The following RNF38 variants were observed in gnomAD, a reference collection of about 807,000 sequenced individuals.
RNF38 encodes ring finger protein 38.
Under a neutral mutation model 67.2 loss-of-function variants are expected in RNF38, and 15 were observed. The observed-to-expected ratio is 0.22, with a 90% CI of 0.15 to 0.34. RNF38 has a LOEUF of 0.34. Ranked by LOEUF, RNF38 falls within the 10% of genes least tolerant of loss-of-function variation. The pLI is 1.00. For synonymous variants in RNF38, 220 were observed against 218.8 expected, an observed-to-expected ratio of 1.01 and a Z score of -0.05; for missense variants, 524 against 639.9, an observed-to-expected ratio of 0.82 and a Z score of 1.95.
rs1202941556 is a variant in RNF38 at position 36,384,577 on chromosome 9, T to C, written c.162+5890A>G. Among the ~76,000 whole-genome samples, 4 of 152,272 alleles carry C rather than the reference T, an allele frequency of 2.6e-5. No homozygotes were observed. In the East Asian group the frequency reaches 7.7e-4, roughly 29 times the overall value. The stretch of plus-strand genomic sequence containing the variant: ...GGATGCAGGATGAAGGGCTGAAAAA[T>C]ATCCACCAGATGTATTAGGTGAGTG... On this transcript the variant is annotated intron_variant, in intron 2 of 11. Coordinates refer to ENST00000259605, the MANE Select transcript of RNF38 (RefSeq NM_022781.5).
intron 6 of RNF38, among the ~76,000 whole-genome samples, chr9:36,355,860 T>A (rs1407474768): frequency 3.3e-5 from 5 of 152,166 alleles, no homozygotes; most frequent in Non-Finnish European, 7.4e-5. Flanking sequence ...TGTTTGTTTA[T>A]TTTGGAGACA....
At chr9:36,429,880 T>C (rs1318102795) in intron 1 of RNF38, among the ~76,000 whole-genome samples, 3 of 152,224 alleles carry the variant, frequency 2.0e-5, no homozygotes, top group East Asian at 3.8e-4. Flanking sequence ...TTGTTGTTTT[T>C]ATTGTTTATT....
At chr9:36,487,429 G>C in exon 1 of RNF38, 1 of 980,458 alleles carries the variant, frequency 1.0e-6, no homozygotes, top group Non-Finnish European at 1.2e-6. Context: ...GCGGTGGGGG[G>C]CGCGGGCGGC....
At chr9:36,468,434 G>A (rs1839917133) in intron 1 of RNF38, among the ~76,000 whole-genome samples, 1 of 152,188 alleles carries the variant, frequency 6.6e-6, no homozygotes. Flanking sequence ...CTGGGGCAAA[G>A]AGCCAGGTAG....
intron 9 of RNF38, among the ~76,000 whole-genome samples, chr9:36,345,521 G>C (rs182449764): frequency 2.2e-4 from 34 of 152,236 alleles, no homozygotes; most frequent in African/African-American, 7.5e-4. Context: ...CCCCCTAGCT[G>C]TAACAACCAA....
rs772791422 is a variant in RNF38, at chr9:36,337,012, A to G, written c.*2740T>C. On this transcript the variant is annotated 3_prime_UTR_variant, in exon 12 of 12. Transcript: ENST00000259605. ...AAAAAAACACCAAAGATGACAATTC[A>G]TGCCAAAAAACAAACAAGAACCCAC... 3 of 152,190 alleles carry G rather than the reference A, an allele frequency of 2.0e-5. No individual in the cohort carries two copies. The highest frequency in any genetic ancestry group is 2.9e-5 in the Non-Finnish European group (2 of 68,036). The allele number at this position is 152,190 out of a possible 1,614,324, so 9.4% of individuals were successfully genotyped here.
Position 36,363,299 on chromosome 9 carries a change from G to T in RNF38, c.571-5357C>A, listed in dbSNP as rs754557738. On this transcript the variant is annotated intron_variant, in intron 4 of 11. Transcript: ENST00000259605. ...GAAAGCCACTATAAACAATCCTGTA[G>T]AAATTTTTTTGTGTGGACATATGCA... Among the ~76,000 whole-genome samples, 11 of 100,202 alleles carry T rather than the reference G, an allele frequency of 1.1e-4. 5 individuals are homozygous for T. Among genetic ancestry groups the T allele is most frequent in the Non-Finnish European group, 2.3e-4 (9 of 38,650 alleles). The allele number at this position is 100,202 out of a possible 152,430, so 65.7% of individuals were successfully genotyped here. A position where few individuals can be genotyped will look rare whatever the true frequency, so the allele number is the denominator to read the frequency against.
intron 6 of RNF38, among the ~76,000 whole-genome samples, chr9:36,355,355 C>T (rs916453428): frequency 2.0e-4 from 31 of 152,300 alleles, no homozygotes; most frequent in African/African-American, 6.7e-4. Context: ...AACAACTGGA[C>T]CTTTTTTCCT....
Position 36,353,343 on chromosome 9 carries a change from G to T in RNF38, c.910-12C>A. The stretch of plus-strand genomic sequence containing the variant: ...ATCCTTTGCAGAGGCTGAGGAGGGG[G>T]AAAAAAAAACACATATATGTATATA... On this transcript the variant is annotated splice_polypyrimidine_tract_variant and intron_variant, in intron 6 of 11. Transcript: ENST00000259605. The T allele has an allele frequency of 6.7e-7, 1 of 1,483,992 alleles. No individual in the cohort carries two copies. The highest frequency in any genetic ancestry group is 9.0e-7 in the Non-Finnish European group (1 of 1,107,106). The allele number at this position is 1,483,992 out of a possible 1,614,324, so 91.9% of individuals were successfully genotyped here. A position where few individuals can be genotyped will look rare whatever the true frequency, so the allele number is the denominator to read the frequency against.
chr9:36,431,181 C>G (rs1838924881), intron 1 of RNF38, among the ~76,000 whole-genome samples: 1 of 152,178 alleles, frequency 6.6e-6, no homozygotes, highest in South Asian at 2.1e-4. Context: ...AAGGAAACAT[C>G]TATAATCATG....
At chr9:36,447,924 C>G (rs1323682273) in intron 1 of RNF38, among the ~76,000 whole-genome samples, 2 of 152,164 alleles carry the variant, frequency 1.3e-5, no homozygotes, top group Non-Finnish European at 2.9e-5. Flanking sequence ...TCATAGGCAA[C>G]CAAGAGCAGC....
chr9:36,428,309 A>G (rs967394456), intron 1 of RNF38, among the ~76,000 whole-genome samples: 6 of 151,782 alleles, frequency 4.0e-5, no homozygotes, highest in Admixed American at 2.0e-4. Context: ...CCAGCTACTC[A>G]GGATGCTGAG....
intron 1 of RNF38, among the ~76,000 whole-genome samples, chr9:36,469,392 G>A (rs1264094308): frequency 6.6e-6 from 1 of 152,072 alleles, no homozygotes; most frequent in Non-Finnish European, 1.5e-5. Flanking sequence ...AGGCACAGTG[G>A]CTCACACCTA....
intron 1 of RNF38, among the ~76,000 whole-genome samples, chr9:36,440,115 T>G (rs1420569943): frequency 6.6e-6 from 1 of 152,008 alleles, no homozygotes; most frequent in Non-Finnish European, 1.5e-5. Flanking sequence ...GTGTGGTGGC[T>G]CGTGCCCATA....
intron 1 of RNF38, among the ~76,000 whole-genome samples, chr9:36,467,710 G>A (rs1407099118): frequency 1.3e-5 from 2 of 152,104 alleles, no homozygotes; most frequent in Non-Finnish European, 2.9e-5. Flanking sequence ...AAATGCCTGC[G>A]CCTCTCACAC....
chr9:36,394,048 G>A (rs1386058824), intron 1 of RNF38, among the ~76,000 whole-genome samples: 8 of 152,126 alleles, frequency 5.3e-5, no homozygotes, highest in African/African-American at 1.4e-4. Context: ...AGGCCGAGGC[G>A]GGCAGATCAC....
chr9:36,443,954 G>A (rs1330330931), intron 1 of RNF38, among the ~76,000 whole-genome samples: 8 of 152,178 alleles, frequency 5.3e-5, no homozygotes, highest in Non-Finnish European at 1.2e-4. Context: ...AAGCAGGCTG[G>A]AGCCAGCATG....
At chr9:36,443,541 C>T (rs750399721) in intron 1 of RNF38, among the ~76,000 whole-genome samples, 4 of 152,106 alleles carry the variant, frequency 2.6e-5, no homozygotes, top group Non-Finnish European at 5.9e-5. Context: ...ACACAGAAGA[C>T]TCAAATGACA....
At chr9:36,460,941 G>A (rs962457601) in intron 1 of RNF38, among the ~76,000 whole-genome samples, 4 of 150,058 alleles carry the variant, frequency 2.7e-5, no homozygotes, top group Non-Finnish European at 4.4e-5. Context: ...GGCTGGTCGC[G>A]ATGGCTCACA....
Sources: gnomAD v4.1 joint callset for allele counts (sites outside exome capture counted in the v4.1 genomes callset) on GRCh38, gnomAD v4.1.1 for gene constraint, MANE v1.5 for transcripts, NCBI Gene and HGNC (gene_info 2026-07-23, HGNC 2026-07-21) for gene names.